ZIM2: variants seen among roughly 807,000 people sequenced by gnomAD.
The protein encoded by ZIM2 is zinc finger protein 656.
In ZIM2, 14 loss-of-function variants were observed where a neutral mutation model predicts 38.6. The observed-to-expected ratio is 0.36, with a 90% CI of 0.24 to 0.57. ZIM2 has a LOEUF of 0.57. Among genes scored for constraint, ZIM2 ranks in the 20% least tolerant of loss-of-function variants. ZIM2 has a pLI of 0.81. For missense variants in ZIM2, 680 were observed against 695.1 expected, an observed-to-expected ratio of 0.98 and a Z score of 0.24; for synonymous variants, 247 against 245.8, an observed-to-expected ratio of 1.00 and a Z score of -0.04.
rs567260267 is a variant in ZIM2, at chr19:56,803,159, C to A, written c.491-13208G>T. Among the ~76,000 whole-genome samples, 42 of 152,276 alleles carry A rather than the reference C, an allele frequency of 2.8e-4. No homozygotes were observed. The South Asian group carries it at 8.3e-3, about 30-fold the overall frequency. ...AAGAAAGGGGGCAGAAGGGCTGTCCCCAGGCAAGGCTCTCCAGTTACAGGT... is the reference window on the plus strand; with the variant it reads ...AAGAAAGGGGGCAGAAGGGCTGTCCACAGGCAAGGCTCTCCAGTTACAGGT... On this transcript the variant is annotated intron_variant, in intron 9 of 12. Coordinates refer to ENST00000629319, the MANE Select transcript of ZIM2 (RefSeq NM_001387356.1).
At chr19:56,784,640 A>G (rs990722230) in intron 10 of ZIM2, among the ~76,000 whole-genome samples, 2 of 152,200 alleles carry the variant, frequency 1.3e-5, no homozygotes, top group African/African-American at 4.8e-5. Context: ...CTATTAGAGA[A>G]AATCATGGGA....
At chr19:56,833,020 G>A in intron 2 of ZIM2, 1 of 375,280 alleles carries the variant, frequency 2.7e-6, no homozygotes, top group South Asian at 2.0e-5. Context: ...CCAGAAGTCA[G>A]GGAAGATCCA....
chr19:56,817,619 A>G (rs1568647776), intron 9 of ZIM2, 127 bp downstream of exon 9: 5 of 1,547,904 alleles, frequency 3.2e-6, no homozygotes, highest in Non-Finnish European at 4.4e-6. Flanking sequence ...CCTAGTCCCC[A>G]TAAGAAGGAC....
intron 12 of ZIM2, among the ~76,000 whole-genome samples, chr19:56,775,841 C>T (rs1260352979): frequency 6.6e-6 from 1 of 151,976 alleles, no homozygotes. Flanking sequence ...GTGGCTCATA[C>T]CTGTAATCCC....
At chr19:56,815,505 A>G in intron 9 of ZIM2, 1 of 1,614,116 alleles carries the variant, frequency 6.2e-7, no homozygotes, top group Non-Finnish European at 8.5e-7. Context: ...CAGAGCTATG[A>G]GCAAAGCACT....
chr19:56,818,808 AG>A, intron 7 of ZIM2, 106 bp from the exon 8 acceptor site: 2 of 1,305,282 alleles, frequency 1.5e-6, no homozygotes, highest in Admixed American at 3.6e-5. Context: ...TTATATAGGA[AG>A]TGCTCACGGT....
At chr19:56,834,642 C>T (rs2061899855) in intron 2 of ZIM2, among the ~76,000 whole-genome samples, 1 of 152,114 alleles carries the variant, frequency 6.6e-6, no homozygotes, top group South Asian at 2.1e-4. Flanking sequence ...CCAACATGAG[C>T]CCTCGGGCAA....
At chr19:56,806,432 A>T (rs1432347931) in intron 9 of ZIM2, among the ~76,000 whole-genome samples, 5 of 152,034 alleles carry the variant, frequency 3.3e-5, no homozygotes, top group African/African-American at 1.2e-4. Flanking sequence ...GGGGGAGGAG[A>T]GAGTAGAAGG....
chr19:56,806,288 T>G (rs1380022656), intron 9 of ZIM2, among the ~76,000 whole-genome samples: 1 of 152,222 alleles, frequency 6.6e-6, no homozygotes, highest in Non-Finnish European at 1.5e-5. Flanking sequence ...AAAGCCTGGA[T>G]AGGTAGTCAA....
At chr19:56,776,442 G>A (rs940332435) in intron 12 of ZIM2, among the ~76,000 whole-genome samples, 1 of 152,184 alleles carries the variant, frequency 6.6e-6, no homozygotes, top group African/African-American at 2.4e-5. Flanking sequence ...AAGAGGGAAG[G>A]TACAGAATGT....
chr19:56,814,066 T>C lies in ZIM2; in HGVS notation c.490+3680A>G, dbSNP rs924116010. On this transcript the variant is annotated intron_variant, in intron 9 of 12. Transcript: ENST00000629319. This position sits in a 1 kb window ranked among gnomAD's most constrained non-coding sequence, Gnocchi z 5.8. The stretch of plus-strand genomic sequence containing the variant: ...CTCTTCAGCTCTTTCTTCTGGGTCT[T>C]CAATACCTGCACCATCTGGCTCATC... 1.9e-6 allele frequency: 3 copies of C among 1,613,964 alleles called. No homozygotes were observed. Among genetic ancestry groups the C allele is most frequent in the African/African-American group, 2.7e-5 (2 of 74,918 alleles).
At chr19:56,835,893 G>C in intron 2 of ZIM2, 125 bp downstream of exon 2, 1 of 393,054 alleles carries the variant, frequency 2.5e-6, no homozygotes, top group East Asian at 7.5e-5. Flanking sequence ...GGTGTTCTCA[G>C]AGGGCACAAA....
intron 11 of ZIM2, among the ~76,000 whole-genome samples, chr19:56,779,815 C>T (rs1159130390): frequency 1.4e-5 from 2 of 138,258 alleles, no homozygotes; most frequent in Non-Finnish European, 3.2e-5. Flanking sequence ...AAAAAGGGGG[C>T]ATGAGGGCAG....
intron 9 of ZIM2, among the ~76,000 whole-genome samples, chr19:56,790,324 GT>G (rs1421100256): frequency 2.6e-5 from 4 of 152,142 alleles, no homozygotes; most frequent in African/African-American, 9.7e-5. Flanking sequence ...CTGAGGTTTT[GT>G]TTTCTGCAGT....
At chr19:56,799,752 T>C (rs968371891) in intron 9 of ZIM2, 2 of 152,202 alleles carry the variant, frequency 1.3e-5, no homozygotes, top group Non-Finnish European at 2.9e-5. Context: ...TTAGCAGCTA[T>C]ATTCATAATA....
At chr19:56,815,617 A>G (rs772289859) in intron 9 of ZIM2, 20 of 1,614,174 alleles carry the variant, frequency 1.2e-5, no homozygotes, top group East Asian at 8.9e-5. Flanking sequence ...CCTATGCTCA[A>G]TGTATTTCTT....
chr19:56,817,503 C>T (rs1568646355), intron 9 of ZIM2: 2 of 1,611,976 alleles, frequency 1.2e-6, no homozygotes, highest in Admixed American at 1.7e-5. Context: ...TTTCCATTAT[C>T]ACTCCGTGGG....
At chr19:56,785,653 A>G (rs558311723) in intron 10 of ZIM2, among the ~76,000 whole-genome samples, 1 of 152,272 alleles carries the variant, frequency 6.6e-6, no homozygotes, top group African/African-American at 2.4e-5. Flanking sequence ...CTTCATTTAC[A>G]CTATTTTCAT....
rs1260546296 is a variant in ZIM2, at chr19:56,781,992, C to T, written c.700G>A (p.Glu234Lys). ...TTCCGGTAATTCTCCAGCATCACCT[C>T]CCTGTAGAGGTTTCTCTGAGCAGCA... ...LSAAQRNLYR[E>K]VMLENYRNLV... Residue 234 changes from glutamate (E) to lysine (K), a missense_variant, in exon 11 of 13, where the codon GAG becomes AAG. By Grantham distance (56) the Glu-to-Lys change is moderately conservative (BLOSUM62 1). Transcript: ENST00000629319. 4 of 1,613,912 alleles carry T rather than the reference C, an allele frequency of 2.5e-6. No homozygotes were observed. In the South Asian group the frequency reaches 3.3e-5, roughly 13 times the overall value.
Sources: allele counts gnomAD v4.1 joint callset (sites outside exome capture counted in the v4.1 genomes callset), GRCh38; gene constraint gnomAD v4.1.1; non-coding constraint Gnocchi (gnomAD v3.1); transcripts MANE v1.5; gene names NCBI Gene and HGNC (gene_info 2026-07-23, HGNC 2026-07-21).